RNF125: variants seen among roughly 807,000 people sequenced by gnomAD.
The protein encoded by RNF125 is E3 ubiquitin-protein ligase RNF125.
Under a neutral mutation model 26.0 loss-of-function variants are expected in RNF125, and 21 were observed. The ratio of observed to expected loss-of-function variants is 0.81; its 90% CI spans 0.57 to 1.16. The LOEUF (loss-of-function observed/expected upper bound fraction) is 1.16. Ranked by LOEUF, RNF125 falls within the 50% of genes most tolerant of loss-of-function variation. RNF125 has a pLI of 0.00. For synonymous variants in RNF125, 95 were observed against 109.2 expected (o/e 0.87, Z 0.81); for missense variants, 270 against 299.4 (o/e 0.90, Z 0.72).
intron 4 of RNF125, among the ~76,000 whole-genome samples, chr18:32,064,315 A>C (rs1391149575): frequency 6.6e-6 from 1 of 151,648 alleles, no homozygotes; most frequent in Non-Finnish European, 1.5e-5. Context: ...TTGGGCGGGG[A>C]CAAATTTCCA....
At position 32,047,746 on chromosome 18, in the gene RNF125, T is replaced by G. The variant is rs565220348; in HGVS notation, c.504+2014T>G. ...TTTAGGGTTTTTTCCATAAAATCCT[T>G]TCAGAAAGTGGATGAAATTAAAACA... On this transcript the variant is annotated intron_variant, in intron 4 of 5. Transcript: ENST00000217740. 8.0e-4 allele frequency among the ~76,000 whole-genome samples: 122 copies of G among 152,292 alleles called. 1 individual carries two copies. The highest frequency in any genetic ancestry group is 2.8e-3 in the African/African-American group (115 of 41,554).
chr18:32,047,414 A>G (rs921891813), intron 4 of RNF125, among the ~76,000 whole-genome samples: 2 of 152,186 alleles, frequency 1.3e-5, no homozygotes, highest in Non-Finnish European at 2.9e-5. Context: ...GAATTTTTCT[A>G]AGAGGAAATT....
At chr18:32,060,578 A>C (rs867527068) in intron 4 of RNF125, among the ~76,000 whole-genome samples, 4 of 152,212 alleles carry the variant, frequency 2.6e-5, no homozygotes, top group African/African-American at 9.6e-5. Flanking sequence ...GCCTGGGAGC[A>C]TTGAGTAGAG....
chr18:32,087,943 C>T, the RNF125 span, among the ~76,000 whole-genome samples: 1 of 152,184 alleles, frequency 6.6e-6, no homozygotes, highest in African/African-American at 2.4e-5. Flanking sequence ...CCCAAGACCA[C>T]ACTTCCATCC....
the RNF125 span, among the ~76,000 whole-genome samples, chr18:32,080,781 C>T: frequency 2.0e-5 from 3 of 147,830 alleles, no homozygotes; most frequent in South Asian, 4.1e-4. Context: ...CCCAGCTACT[C>T]GGGAGAATGG....
intron 4 of RNF125, among the ~76,000 whole-genome samples, chr18:32,052,695 G>A (rs1161703063): frequency 6.6e-6 from 1 of 152,118 alleles, no homozygotes; most frequent in Non-Finnish European, 1.5e-5. Flanking sequence ...GTTAATCTAA[G>A]CCACAGATAG....
chr18:32,023,106 C>G (rs985090461), intron 1 of RNF125, among the ~76,000 whole-genome samples: 1 of 152,146 alleles, frequency 6.6e-6, no homozygotes, highest in Non-Finnish European at 1.5e-5. Context: ...CTCAGCCTCT[C>G]ACGTAGCTGG....
intron 4 of RNF125, among the ~76,000 whole-genome samples, chr18:32,056,621 C>CAAAAAA (rs58384246): frequency 1.0e-5 from 1 of 95,312 alleles, no homozygotes; most frequent in African/African-American, 4.0e-5. Context: ...AACTCCGTCT[C>CAAAAAA]AAAAAAAAAA....
Position 32,068,399 on chromosome 18 carries a change from AG to A in RNF125, c.*18del, listed in dbSNP as rs2039503790. The A allele has an allele frequency of 2.1e-6, 3 of 1,428,620 alleles. No individual in the cohort carries two copies. The highest frequency in any genetic ancestry group is 3.0e-6 in the Non-Finnish European group (3 of 1,011,924). 88.5% of individuals were successfully genotyped at this position (1,428,620 alleles called of 1,614,324 possible). A position where few individuals can be genotyped will look rare whatever the true frequency, so the allele number is the denominator to read the frequency against. The stretch of plus-strand genomic sequence containing the variant: ...ACACCACATAATTTTATTAAAACGA[AG>A]GGAAAAGGGACCACTGAATTGCACC... On this transcript the variant is annotated 3_prime_UTR_variant, in exon 6 of 6. Transcript: ENST00000217740.
At chr18:32,081,136 G>C in the RNF125 span, among the ~76,000 whole-genome samples, 1 of 148,152 alleles carries the variant, frequency 6.7e-6, no homozygotes, top group Non-Finnish European at 1.5e-5. Flanking sequence ...AGAGGTTGCA[G>C]TGAGCCAAGA....
At chr18:32,040,914 T>C (rs1598815155) in intron 2 of RNF125, among the ~76,000 whole-genome samples, 1 of 152,236 alleles carries the variant, frequency 6.6e-6, no homozygotes, top group East Asian at 1.9e-4. Context: ...AGATCAATCC[T>C]AGTTTTTATA....
rs189687767 is a variant in RNF125 at position 32,033,113 on chromosome 18, C to T, written c.165-4003C>T. Among the ~76,000 whole-genome samples, 23 of 152,268 alleles carry T rather than the reference C, an allele frequency of 1.5e-4. No individual in the cohort carries two copies. In the East Asian group the frequency reaches 3.5e-3, roughly 23 times the overall value. The stretch of plus-strand genomic sequence containing the variant: ...TGGAAAGTCCAGATTGCCTGACATG[C>T]TGGTAACCAATTATTGGGGGCCAGT... On this transcript the variant is annotated intron_variant, in intron 1 of 5. Transcript: ENST00000217740.
At chr18:32,074,550 C>CT (rs748027012), downstream of RNF125, among the ~76,000 whole-genome samples, 22 of 151,076 alleles carry the variant, frequency 1.5e-4, no homozygotes, top group Admixed American at 9.9e-4. Flanking sequence ...TTTTTCTTTT[C>CT]TTTTTTTTTA....
intron 2 of RNF125, among the ~76,000 whole-genome samples, chr18:32,037,920 A>C (rs2039175702): frequency 6.6e-6 from 1 of 152,162 alleles, no homozygotes; most frequent in African/African-American, 2.4e-5. Flanking sequence ...CGATAAGGGA[A>C]TAAAAGCTGG....
chr18:32,034,470 C>T (rs2039132066), intron 1 of RNF125, among the ~76,000 whole-genome samples: 2 of 152,170 alleles, frequency 1.3e-5, no homozygotes, highest in Non-Finnish European at 2.9e-5. Flanking sequence ...GCAGAAGCAA[C>T]TTACCCTGTA....
At chr18:32,020,016 G>GTT (rs2144421483) in intron 1 of RNF125, among the ~76,000 whole-genome samples, 1 of 32,396 alleles carries the variant, frequency 3.1e-5, no homozygotes, top group African/African-American at 1.1e-4. Context: ...GTGTGTGTGT[G>GTT]TGTGTGTGTG....
At chr18:32,040,039 A>G (rs1246803320) in intron 2 of RNF125, among the ~76,000 whole-genome samples, 1 of 151,996 alleles carries the variant, frequency 6.6e-6, no homozygotes, top group East Asian at 1.9e-4. Flanking sequence ...TCGGCCTCCC[A>G]AAGTGCTAGG....
At chr18:32,065,782 C>G (rs1003258980) in intron 4 of RNF125, 120 bp from the exon 5 acceptor site, 2 of 674,454 alleles carry the variant, frequency 3.0e-6, no homozygotes, top group Non-Finnish European at 5.3e-6. Flanking sequence ...CCGGCCGCCT[C>G]TGCCTCCCAA....
intron 1 of RNF125, among the ~76,000 whole-genome samples, chr18:32,030,074 T>A (rs2039077055): frequency 6.6e-6 from 1 of 152,198 alleles, no homozygotes; most frequent in Admixed American, 6.5e-5. Flanking sequence ...TGAGCCAGTC[T>A]CGCTCTGTCA....
Sources: gnomAD v4.1 joint callset for allele counts (sites outside exome capture counted in the v4.1 genomes callset) on GRCh38, gnomAD v4.1.1 for gene constraint, MANE v1.5 for transcripts, NCBI Gene and HGNC (gene_info 2026-07-23, HGNC 2026-07-21) for gene names.